The following SCHIP1 variants were observed in gnomAD, a reference collection of about 807,000 sequenced individuals.
The protein encoded by SCHIP1 is schwannomin-interacting protein 1.
A neutral mutation model predicts 29.7 loss-of-function variants in SCHIP1; 8 were observed. That is an observed-to-expected ratio of 0.27 (90% CI 0.16 to 0.49). The LOEUF is 0.49. Among genes scored for constraint, SCHIP1 ranks in the 20% least tolerant of loss-of-function variants. The pLI, the probability that SCHIP1 is intolerant of heterozygous loss-of-function variation, is 0.99. For synonymous variants in SCHIP1, 76 were observed against 94.9 expected (o/e 0.80, Z 1.16); for missense variants, 193 against 294.6 (o/e 0.66, Z 2.52).
At chr3:159,623,107 G>A in the SCHIP1 span, among the ~76,000 whole-genome samples, 5 of 152,182 alleles carry the variant, frequency 3.3e-5, no homozygotes, top group South Asian at 8.3e-4. Flanking sequence ...TGATCCTCAG[G>A]CAACAGAAAT....
chr3:159,289,987 C>T, the SCHIP1 span, among the ~76,000 whole-genome samples: 37 of 152,290 alleles, frequency 2.4e-4, no homozygotes, highest in South Asian at 5.0e-3. Flanking sequence ...CTGCACCCAA[C>T]GAAGCTACAC....
At chr3:159,431,474 T>C in the SCHIP1 span, among the ~76,000 whole-genome samples, 20,975 of 152,092 alleles carry the variant, frequency 0.14, 1,700 homozygotes, top group African/African-American at 0.2. Context: ...GAGGTGTTTA[T>C]ATGTTTGTAA....
chr3:159,813,695 A>AAAG, the SCHIP1 span, among the ~76,000 whole-genome samples: 2 of 152,092 alleles, frequency 1.3e-5, no homozygotes, highest in East Asian at 1.9e-4. Context: ...CTCAAAAAAA[A>AAAG]AAGAAGAAGA....
chr3:159,658,028 C>A, the SCHIP1 span, among the ~76,000 whole-genome samples: 1 of 152,196 alleles, frequency 6.6e-6, no homozygotes, highest in Non-Finnish European at 1.5e-5. Context: ...TGGTGCCTAG[C>A]CCAGCTTCTC....
the SCHIP1 span, among the ~76,000 whole-genome samples, chr3:159,427,228 G>T: frequency 2.0e-5 from 3 of 150,850 alleles, no homozygotes; most frequent in East Asian, 3.9e-4. Context: ...GGAAATAAAG[G>T]CTATTCAATT....
upstream of SCHIP1, among the ~76,000 whole-genome samples, chr3:159,836,766 TA>T (rs1003179241): frequency 1.3e-5 from 2 of 152,210 alleles, no homozygotes; most frequent in African/African-American, 2.4e-5. Context: ...ATGCTTTACA[TA>T]AAAAGTTCAT....
At chr3:159,455,404 G>A in the SCHIP1 span, among the ~76,000 whole-genome samples, 1 of 152,196 alleles carries the variant, frequency 6.6e-6, no homozygotes, top group Non-Finnish European at 1.5e-5. Context: ...GAGAAGACAA[G>A]CAAGGCAATA....
the SCHIP1 span, among the ~76,000 whole-genome samples, chr3:159,365,742 C>A: frequency 6.6e-6 from 1 of 152,166 alleles, no homozygotes; most frequent in Non-Finnish European, 1.5e-5. Context: ...ATAGAGAATG[C>A]ATGCCCCTCA....
At chr3:159,707,965 T>G in the SCHIP1 span, among the ~76,000 whole-genome samples, 3 of 152,332 alleles carry the variant, frequency 2.0e-5, no homozygotes, top group African/African-American at 7.2e-5. Flanking sequence ...CTCCTTTTTC[T>G]TATCTTTCTC....
the SCHIP1 span, among the ~76,000 whole-genome samples, chr3:159,430,645 C>T: frequency 0.95 from 144,838 of 152,206 alleles, 68,957 homozygotes; most frequent in African/African-American, 0.97. Context: ...TTTTTTTCTA[C>T]CCATCTAGAC....
chr3:159,791,012 T>C, the SCHIP1 span, among the ~76,000 whole-genome samples: 2 of 152,210 alleles, frequency 1.3e-5, no homozygotes, highest in Non-Finnish European at 2.9e-5. Context: ...GAAATCAGAA[T>C]GTGGCCTGAG....
the SCHIP1 span, among the ~76,000 whole-genome samples, chr3:159,680,621 T>TAA: frequency 1.2e-4 from 11 of 93,844 alleles, no homozygotes; most frequent in Non-Finnish European, 1.8e-4. Flanking sequence ...TATGTATATA[T>TAA]AATATATATT....
chr3:159,273,794 A>G, the SCHIP1 span: 8 of 1,612,326 alleles, frequency 5.0e-6, no homozygotes, highest in Non-Finnish European at 6.8e-6. Context: ...TTCCCTCTCA[A>G]ATGGGCAAGA....
chr3:159,892,482 G>A, intron 6 of SCHIP1: 1 of 563,500 alleles, frequency 1.8e-6, no homozygotes, highest in East Asian at 2.9e-5. Flanking sequence ...TACCTTGAAG[G>A]ACTGTCCCCT....
At chr3:159,892,328 G>T (rs916738886) in intron 6 of SCHIP1, 138 bp downstream of exon 7, 57 of 944,262 alleles carry the variant, frequency 6.0e-5, no homozygotes, top group Non-Finnish European at 8.9e-5. Flanking sequence ...GGTGCCAGCT[G>T]TTCAGATGGA....
At chr3:159,826,142 G>A in the SCHIP1 span, among the ~76,000 whole-genome samples, 1 of 152,184 alleles carries the variant, frequency 6.6e-6, no homozygotes, top group East Asian at 1.9e-4. Context: ...ATCTGATTAT[G>A]TTTTTAGAAG....
At chr3:159,381,609 CTTCTTTT>C in the SCHIP1 span, among the ~76,000 whole-genome samples, 29 of 151,014 alleles carry the variant, frequency 1.9e-4, no homozygotes, top group African/African-American at 6.9e-4. Flanking sequence ...TCTTTTTCTT[CTTCTTTT>C]TTTTTTGTAC....
the SCHIP1 span, among the ~76,000 whole-genome samples, chr3:159,652,664 G>C: frequency 4.6e-5 from 7 of 152,140 alleles, no homozygotes; most frequent in African/African-American, 1.4e-4. Flanking sequence ...GTGGGGAGGG[G>C]TGTGCAATGA....
chr3:159,815,081 G>A, the SCHIP1 span, among the ~76,000 whole-genome samples: 1 of 152,172 alleles, frequency 6.6e-6, no homozygotes, highest in Non-Finnish European at 1.5e-5. Context: ...CACCCTCCAT[G>A]GAGCATTAAT....
Sources: gnomAD v4.1 joint callset for allele counts (sites outside exome capture counted in the v4.1 genomes callset) on GRCh38, gnomAD v4.1.1 for gene constraint, MANE v1.5 for transcripts, NCBI Gene and HGNC (gene_info 2026-07-23, HGNC 2026-07-21) for gene names.